Variants in CDYL observed in about 807,000 individuals in gnomAD.
CDYL encodes the protein chromodomain Y like, also known as chromodomain Y-like protein.
CDYL carries 8 observed loss-of-function variants against 47.3 expected under a neutral mutation model. The ratio of observed to expected loss-of-function variants is 0.17; its 90% confidence interval spans 0.10 to 0.31. The LOEUF is 0.31. Ranked by LOEUF, CDYL falls within the 10% of genes least tolerant of loss-of-function variation. The pLI is 1.00. For missense variants in CDYL, 471 were observed against 701.4 expected (o/e 0.67, Z 3.71); for synonymous variants, 266 against 265.0 (o/e 1.00, Z -0.04).
chr6:4,915,402 C>G (rs1422072501), intron 2 of CDYL, among the ~76,000 whole-genome samples: 1 of 152,142 alleles, frequency 6.6e-6, no homozygotes, highest in Non-Finnish European at 1.5e-5. Context: ...AAATAGCATT[C>G]TAAGCCCTGC....
At chr6:4,875,626 A>G (rs1761599666) in intron 1 of CDYL, among the ~76,000 whole-genome samples, 1 of 152,320 alleles carries the variant, frequency 6.6e-6, no homozygotes, top group Non-Finnish European at 1.5e-5. Context: ...ATTTGACATC[A>G]TATCTGTGAC....
At chr6:4,856,329 G>A (rs11760120) in intron 1 of CDYL, among the ~76,000 whole-genome samples, 4 of 152,182 alleles carry the variant, frequency 2.6e-5, no homozygotes, top group Non-Finnish European at 4.4e-5. Flanking sequence ...CTGAAAAAGC[G>A]ACCTTTCCTG....
chr6:4,835,047 G>A (rs1012667041), intron 1 of CDYL, among the ~76,000 whole-genome samples: 4 of 152,058 alleles, frequency 2.6e-5, no homozygotes, highest in East Asian at 1.9e-4. Flanking sequence ...TAGTTTGATC[G>A]TCTGAAGCCT....
intron 2 of CDYL, among the ~76,000 whole-genome samples, chr6:4,913,252 C>T (rs1326746713): frequency 1.3e-5 from 2 of 151,996 alleles, no homozygotes; most frequent in African/African-American, 4.8e-5. Flanking sequence ...TAACACTCTT[C>T]CTTATTATTT....
Position 4,954,112 on chromosome 6 carries a change from G to A in CDYL, c.*56G>A, listed in dbSNP as rs1429737936. Reference sequence around the variant, plus strand: ...TCGGGCTGAGCAGGAGAACATCACCGGCTCCAGTTCCCCTGATCCATTCTC... The same window carrying A: ...TCGGGCTGAGCAGGAGAACATCACCAGCTCCAGTTCCCCTGATCCATTCTC... On this transcript the variant is annotated 3_prime_UTR_variant, in exon 7 of 7. Coordinates refer to ENST00000397588, the MANE Select transcript of CDYL (RefSeq NM_004824.4). 2.8e-5 allele frequency: 44 copies of A among 1,549,278 alleles called. No homozygotes were observed. Among genetic ancestry groups the A allele is most frequent in the East Asian group, 2.7e-4 (12 of 43,858 alleles).
intron 2 of CDYL, among the ~76,000 whole-genome samples, chr6:4,903,752 G>A (rs1757141621): frequency 6.6e-6 from 1 of 152,184 alleles, no homozygotes; most frequent in Non-Finnish European, 1.5e-5. Flanking sequence ...ACAGTTGCTG[G>A]CTCCTGAGTA....
intron 3 of CDYL, among the ~76,000 whole-genome samples, chr6:4,747,814 A>C (rs185327361): frequency 6.6e-6 from 1 of 152,338 alleles, no homozygotes; most frequent in Admixed American, 6.5e-5. Flanking sequence ...GCTTTCCCAC[A>C]GGAATCATTA....
chr6:4,885,553 C>T (rs773108784), intron 1 of CDYL, among the ~76,000 whole-genome samples: 17 of 152,178 alleles, frequency 1.1e-4, no homozygotes, highest in Admixed American at 1.0e-3. Flanking sequence ...GTGACTGTTA[C>T]ACTGTTTCTC....
intron 1 of CDYL, among the ~76,000 whole-genome samples, chr6:4,829,511 C>G (rs1205933154): frequency 6.6e-6 from 1 of 152,230 alleles, no homozygotes; most frequent in African/African-American, 2.4e-5. Context: ...CGAGAAACTT[C>G]TCAGGTCTTT....
At chr6:4,807,904 G>A (rs1561647358) in intron 1 of CDYL, among the ~76,000 whole-genome samples, 1 of 152,030 alleles carries the variant, frequency 6.6e-6, no homozygotes, top group African/African-American at 2.4e-5. Flanking sequence ...ACCGCGCCGG[G>A]CTCATTTATG....
chr6:4,724,284 C>G (rs559301277), intron 2 of CDYL: 1 of 152,160 alleles, frequency 6.6e-6, no homozygotes, highest in Admixed American at 6.5e-5. Context: ...CTCCTGACTT[C>G]ATATAATCCA....
At position 4,954,511 on chromosome 6, in the gene CDYL, C is replaced by T. The variant is rs1208235503; in HGVS notation, c.*455C>T. Reference sequence around the variant, plus strand: ...CTCGCCTCCCTGCCCCACGTAGAGACACAGAGTGATGTGAGGCGTTGGCTT... The same window carrying T: ...CTCGCCTCCCTGCCCCACGTAGAGATACAGAGTGATGTGAGGCGTTGGCTT... On this transcript the variant is annotated 3_prime_UTR_variant, in exon 7 of 7. Transcript: ENST00000397588. 4 of 152,718 alleles carry T rather than the reference C, an allele frequency of 2.6e-5. No homozygotes were observed. The highest frequency in any genetic ancestry group is 9.6e-5 in the African/African-American group (4 of 41,452). The allele number at this position is 152,718 out of a possible 1,614,324, so 9.5% of individuals were successfully genotyped here.
intron 1 of CDYL, chr6:4,714,484 A>G (rs1457310645): frequency 6.6e-6 from 1 of 152,224 alleles, no homozygotes; most frequent in Non-Finnish European, 1.5e-5. Flanking sequence ...TGCCTGGTAT[A>G]TAATAAGCTC....
intron 1 of CDYL, among the ~76,000 whole-genome samples, chr6:4,782,554 G>A (rs1219580061): frequency 4.6e-5 from 7 of 152,274 alleles, no homozygotes; most frequent in East Asian, 1.9e-4. Flanking sequence ...TTTAAGCTGG[G>A]CAAGGTTTTG....
chr6:4,747,559 G>A (rs187616038), intron 3 of CDYL, among the ~76,000 whole-genome samples: 48 of 152,088 alleles, frequency 3.2e-4, no homozygotes, highest in South Asian at 6.2e-4. Context: ...TTTGCTTTTC[G>A]TGCACAGATA....
intron 1 of CDYL, among the ~76,000 whole-genome samples, chr6:4,848,192 G>T (rs1390193352): frequency 6.6e-6 from 1 of 152,120 alleles, no homozygotes; most frequent in African/African-American, 2.4e-5. Flanking sequence ...TTTGGGAGGG[G>T]GGTGCTTTAT....
intron 2 of CDYL, among the ~76,000 whole-genome samples, chr6:4,897,613 A>G (rs1368513384): frequency 2.6e-5 from 4 of 152,132 alleles, no homozygotes; most frequent in African/African-American, 9.7e-5. Context: ...ACCCCAGGGA[A>G]GATTAACAAA....
chr6:4,864,237 C>G (rs1761256598), intron 1 of CDYL, among the ~76,000 whole-genome samples: 1 of 152,104 alleles, frequency 6.6e-6, no homozygotes, highest in South Asian at 2.1e-4. Context: ...CTAAAAAGAT[C>G]ATGAAAAGAT....
At chr6:4,732,531 G>A (rs1757623322) in intron 2 of CDYL, among the ~76,000 whole-genome samples, 1 of 151,916 alleles carries the variant, frequency 6.6e-6, no homozygotes, top group Non-Finnish European at 1.5e-5. Context: ...GCATAGTGGT[G>A]AATGCCTGCA....
Sources: gnomAD v4.1 joint callset for allele counts (sites outside exome capture counted in the v4.1 genomes callset) on GRCh38, gnomAD v4.1.1 for gene constraint, MANE v1.5 for transcripts, NCBI Gene and HGNC (gene_info 2026-07-23, HGNC 2026-07-21) for gene names.